The following RANBP2 variants were observed in gnomAD, a reference collection of about 807,000 sequenced individuals.
RANBP2 encodes RAN binding protein 2, also known as E3 SUMO-protein ligase RanBP2.
A neutral mutation model predicts 303.6 loss-of-function variants in RANBP2; 57 were observed. The ratio of observed to expected loss-of-function variants is 0.19; its 90% confidence interval spans 0.15 to 0.23. RANBP2 has a LOEUF of 0.23. RANBP2 is among the 10% of genes least tolerant of loss of function. The pLI, the probability that RANBP2 is intolerant of heterozygous loss-of-function variation, is 1.00. For synonymous variants in RANBP2, 1,167 were observed against 1,301.5 expected, an observed-to-expected ratio of 0.90 and a Z score of 2.23; for missense variants, 3,138 against 3,780.8, an observed-to-expected ratio of 0.83 and a Z score of 4.46.
chr2:109,662,174 T>C, the RANBP2 span, among the ~76,000 whole-genome samples: 1 of 152,216 alleles, frequency 6.6e-6, no homozygotes, highest in Admixed American at 6.5e-5. Flanking sequence ...TAGGTCTGTA[T>C]TGAGTCTGAG....
the RANBP2 span, among the ~76,000 whole-genome samples, chr2:109,540,294 T>G: frequency 6.6e-6 from 1 of 152,134 alleles, no homozygotes; most frequent in African/African-American, 2.4e-5. Flanking sequence ...CTTGTTTTCT[T>G]CAAGTCTCCC....
the RANBP2 span, among the ~76,000 whole-genome samples, chr2:109,452,127 A>G: frequency 6.6e-6 from 1 of 152,230 alleles, no homozygotes; most frequent in African/African-American, 2.4e-5. Context: ...AGCAGGGCCC[A>G]AGGCATTTAC....
At chr2:109,708,518 G>A in the RANBP2 span, among the ~76,000 whole-genome samples, 1 of 152,064 alleles carries the variant, frequency 6.6e-6, no homozygotes, top group Non-Finnish European at 1.5e-5. Context: ...ATTAGCTGGC[G>A]TGGTGGTGCA....
chr2:108,735,091 A>G (rs1309453233), intron 4 of RANBP2, among the ~76,000 whole-genome samples: 1 of 152,194 alleles, frequency 6.6e-6, no homozygotes, highest in Non-Finnish European at 1.5e-5. Flanking sequence ...ATTTAAGGTC[A>G]GGAGGTGATG....
chr2:109,566,471 A>G, the RANBP2 span, among the ~76,000 whole-genome samples: 1 of 152,140 alleles, frequency 6.6e-6, no homozygotes, highest in South Asian at 2.1e-4. Context: ...AAAGACAAAG[A>G]TAATGTTGAG....
the RANBP2 span, among the ~76,000 whole-genome samples, chr2:109,627,979 A>G: frequency 6.6e-6 from 1 of 152,168 alleles, no homozygotes; most frequent in Non-Finnish European, 1.5e-5. Flanking sequence ...CATACAATTT[A>G]TGCATTGCTG....
the RANBP2 span, among the ~76,000 whole-genome samples, chr2:109,727,725 T>C: frequency 6.6e-6 from 1 of 152,326 alleles, no homozygotes; most frequent in South Asian, 2.1e-4. Context: ...GCTTAGTTTT[T>C]AACATCTCTG....
the RANBP2 span, among the ~76,000 whole-genome samples, chr2:109,468,391 C>G: frequency 6.6e-6 from 1 of 152,306 alleles, no homozygotes; most frequent in African/African-American, 2.4e-5. Context: ...ATGAATTTTT[C>G]AGTTTCATTA....
the RANBP2 span, among the ~76,000 whole-genome samples, chr2:109,433,333 T>C: frequency 6.6e-6 from 1 of 152,264 alleles, no homozygotes. Context: ...TATTTTTTTC[T>C]TTGTGTTGTC....
the RANBP2 span, among the ~76,000 whole-genome samples, chr2:108,977,506 G>A: frequency 3.3e-5 from 5 of 152,098 alleles, no homozygotes; most frequent in Admixed American, 3.3e-4. Flanking sequence ...TCCTGACCTC[G>A]TGATCCGCCA....
At chr2:108,933,631 C>T in the RANBP2 span, among the ~76,000 whole-genome samples, 2 of 152,188 alleles carry the variant, frequency 1.3e-5, no homozygotes, top group African/African-American at 4.8e-5. Flanking sequence ...ACACTGCCTG[C>T]ACTTTAGTGT....
chr2:108,980,971 G>A, the RANBP2 span, among the ~76,000 whole-genome samples: 6 of 62,762 alleles, frequency 9.6e-5, no homozygotes, highest in Non-Finnish European at 2.9e-4. Flanking sequence ...ACCTCTGACG[G>A]ACTAGACCGT....
the RANBP2 span, among the ~76,000 whole-genome samples, chr2:109,539,281 G>A: frequency 6.6e-6 from 1 of 151,990 alleles, no homozygotes; most frequent in Non-Finnish European, 1.5e-5. Flanking sequence ...CTGGGCGACA[G>A]AGCAAGACTC....
At chr2:108,951,640 G>C in the RANBP2 span, among the ~76,000 whole-genome samples, 1 of 152,038 alleles carries the variant, frequency 6.6e-6, no homozygotes, top group South Asian at 2.1e-4. Context: ...TCAGGATGGG[G>C]CCTTGGGTAA....
the RANBP2 span, among the ~76,000 whole-genome samples, chr2:109,325,851 T>C: frequency 6.6e-6 from 1 of 152,236 alleles, no homozygotes; most frequent in Non-Finnish European, 1.5e-5. Flanking sequence ...CCTCCCTTTG[T>C]TCCAAATCAC....
chr2:109,545,981 AG>A, the RANBP2 span: 2 of 1,508,274 alleles, frequency 1.3e-6, no homozygotes, highest in Admixed American at 2.3e-5. Context: ...AAGAAGCGCT[AG>A]GAAGATCCGA....
the RANBP2 span, among the ~76,000 whole-genome samples, chr2:108,844,419 TG>T: frequency 0.6 from 91,062 of 152,060 alleles, 31,845 homozygotes; most frequent in East Asian, 0.89. Context: ...ATGTCTTCTT[TG>T]GTAAGACTTT....
At chr2:108,843,379 A>G in the RANBP2 span, among the ~76,000 whole-genome samples, 1 of 152,090 alleles carries the variant, frequency 6.6e-6, no homozygotes, top group Non-Finnish European at 1.5e-5. Flanking sequence ...GCTGGTCTCG[A>G]ACTCCTGACC....
the RANBP2 span, among the ~76,000 whole-genome samples, chr2:109,415,582 C>G: frequency 5.9e-5 from 9 of 152,304 alleles, no homozygotes; most frequent in South Asian, 1.9e-3. Context: ...TGATGGGTTC[C>G]CTGCAAAGCT....
Sources: allele counts gnomAD v4.1 joint callset (sites outside exome capture counted in the v4.1 genomes callset), GRCh38; gene constraint gnomAD v4.1.1; transcripts MANE v1.5; gene names NCBI Gene and HGNC (gene_info 2026-07-23, HGNC 2026-07-21).